The following PDZD2 variants were observed in gnomAD, a reference collection of about 807,000 sequenced individuals.
PDZD2 encodes the protein PDZ domain-containing protein 2.
PDZD2 carries 90 observed loss-of-function variants against 220.7 expected under a neutral mutation model. The ratio of observed to expected loss-of-function variants is 0.41; its 90% CI spans 0.34 to 0.49. The LOEUF is 0.49. Among genes scored for constraint, PDZD2 ranks in the 20% least tolerant of loss-of-function variants. The probability of loss-of-function intolerance (pLI) is 0.28; values close to 1 mark genes in which losing one functional copy is unlikely to be tolerated. For missense variants in PDZD2, 3,174 were observed against 3,608.5 expected (o/e 0.88, Z 3.08); for synonymous variants, 1,375 against 1,450.5 (o/e 0.95, Z 1.18).
chr5:31,919,331 T>TTG (rs1297900137), intron 2 of PDZD2, among the ~76,000 whole-genome samples: 1 of 151,006 alleles, frequency 6.6e-6, no homozygotes, highest in East Asian at 2.0e-4. Flanking sequence ...AGCCCCATAG[T>TTG]TGTTTAACTG....
At chr5:31,831,604 T>C (rs1756594035) in intron 2 of PDZD2, among the ~76,000 whole-genome samples, 1 of 151,948 alleles carries the variant, frequency 6.6e-6, no homozygotes, top group Non-Finnish European at 1.5e-5. Context: ...AAAAATTAGC[T>C]GGGCATGGTG....
intron 2 of PDZD2, among the ~76,000 whole-genome samples, chr5:31,889,709 T>G (rs2150346272): frequency 6.6e-6 from 1 of 152,198 alleles, no homozygotes; most frequent in Non-Finnish European, 1.5e-5. Context: ...AAGGGACTCC[T>G]CTTCTTGGAG....
chr5:32,028,293 C>T (rs1047542332), intron 6 of PDZD2, among the ~76,000 whole-genome samples: 1 of 152,148 alleles, frequency 6.6e-6, no homozygotes, highest in African/African-American at 2.4e-5. Flanking sequence ...GAAACAGTTA[C>T]AGGATATTTC....
chr5:31,667,855 C>CTTT (rs561833214), intron 1 of PDZD2, among the ~76,000 whole-genome samples: 180 of 77,978 alleles, frequency 2.3e-3, no homozygotes, highest in East Asian at 7.8e-3. Flanking sequence ...TTTTTTTTTC[C>CTTT]TTTTTTTTTT....
At chr5:31,744,133 G>A (rs1006031732) in intron 1 of PDZD2, 3 of 152,132 alleles carry the variant, frequency 2.0e-5, no homozygotes, top group Non-Finnish European at 2.9e-5. Context: ...GTTTATAGGT[G>A]GAATCTTTTT....
chr5:31,929,868 G>A (rs1386757333), intron 2 of PDZD2, among the ~76,000 whole-genome samples: 1 of 152,178 alleles, frequency 6.6e-6, no homozygotes, highest in Non-Finnish European at 1.5e-5. Flanking sequence ...TTCCAACGCT[G>A]GGGGCTGGGG....
chr5:32,068,256 A>G (rs555797940), intron 14 of PDZD2, among the ~76,000 whole-genome samples: 2 of 152,348 alleles, frequency 1.3e-5, no homozygotes, highest in South Asian at 2.1e-4. Flanking sequence ...TGAAAGACCA[A>G]GGAAGATTCG....
intron 14 of PDZD2, among the ~76,000 whole-genome samples, chr5:32,067,208 T>C (rs563430032): frequency 6.6e-6 from 1 of 152,336 alleles, no homozygotes; most frequent in South Asian, 2.1e-4. Context: ...GCTGCCCAGT[T>C]GGGTTACTTA....
chr5:31,850,243 T>TATACATAC (rs577432352), intron 2 of PDZD2, among the ~76,000 whole-genome samples: 3 of 122,236 alleles, frequency 2.5e-5, no homozygotes, highest in African/African-American at 9.0e-5. Flanking sequence ...TATATATATA[T>TATACATAC]ACACACACAC....
At chr5:31,760,793 A>G (rs991232751) in intron 1 of PDZD2, among the ~76,000 whole-genome samples, 1 of 152,124 alleles carries the variant, frequency 6.6e-6, no homozygotes, top group Non-Finnish European at 1.5e-5. Context: ...GCGGTGGTGT[A>G]TGCCTGTAAT....
chr5:31,906,825 A>G (rs969111435), intron 2 of PDZD2, among the ~76,000 whole-genome samples: 1 of 151,922 alleles, frequency 6.6e-6, no homozygotes, highest in African/African-American at 2.4e-5. Flanking sequence ...CCTGGGCAAC[A>G]GAGCAAGACT....
intron 2 of PDZD2, among the ~76,000 whole-genome samples, chr5:31,870,184 G>C (rs1738655874): frequency 6.6e-6 from 1 of 152,098 alleles, no homozygotes; most frequent in Admixed American, 6.6e-5. Flanking sequence ...CATACCGTCT[G>C]AGTCACCTGC....
intron 6 of PDZD2, among the ~76,000 whole-genome samples, chr5:32,025,903 G>A (rs1581311717): frequency 6.6e-6 from 1 of 151,878 alleles, no homozygotes; most frequent in Non-Finnish European, 1.5e-5. Flanking sequence ...CCCAGGCCAC[G>A]ATGTCTTACT....
At chr5:31,899,044 G>A (rs1581026940) in intron 2 of PDZD2, among the ~76,000 whole-genome samples, 1 of 151,850 alleles carries the variant, frequency 6.6e-6, no homozygotes, top group South Asian at 2.1e-4. Flanking sequence ...AGCCAGGATG[G>A]TTTCAATCTC....
At chr5:31,698,038 G>A (rs1268630051) in intron 1 of PDZD2, among the ~76,000 whole-genome samples, 1 of 151,308 alleles carries the variant, frequency 6.6e-6, no homozygotes, top group Non-Finnish European at 1.5e-5. Context: ...AAGTAGCTGG[G>A]ACTACAGTTG....
chr5:31,898,504 C>T (rs1262601436), intron 2 of PDZD2, among the ~76,000 whole-genome samples: 1 of 152,220 alleles, frequency 6.6e-6, no homozygotes, highest in Non-Finnish European at 1.5e-5. Context: ...GCTCTACTGC[C>T]TTTTCCTTTG....
At chr5:31,677,109 A>G (rs542908463) in intron 1 of PDZD2, among the ~76,000 whole-genome samples, 5 of 152,260 alleles carry the variant, frequency 3.3e-5, no homozygotes, top group Admixed American at 3.3e-4. Context: ...AACCAAAATG[A>G]AAAGTGGTTC....
chr5:32,010,646 T>C (rs1451160013), intron 6 of PDZD2, 164 bp downstream of exon 6: 1 of 716,268 alleles, frequency 1.4e-6, no homozygotes, highest in East Asian at 2.6e-5. Context: ...CTGAGAAAAA[T>C]CTGTGAGGGT....
At chr5:32,099,535 T>A (rs1157626647) in intron 23 of PDZD2, 1 of 152,272 alleles carries the variant, frequency 6.6e-6, no homozygotes, top group African/African-American at 2.4e-5. Context: ...TTCTGTGTCA[T>A]TTCACTTTCC....
Sources: gnomAD v4.1 joint callset for allele counts (sites outside exome capture counted in the v4.1 genomes callset) on GRCh38, gnomAD v4.1.1 for gene constraint, MANE v1.5 for transcripts, NCBI Gene and HGNC (gene_info 2026-07-23, HGNC 2026-07-21) for gene names.